The following NUMBL variants were observed in gnomAD, a reference collection of about 807,000 sequenced individuals.
NUMBL encodes numb-like protein.
NUMBL carries 20 observed loss-of-function variants against 48.9 expected under a neutral mutation model. The observed-to-expected ratio is 0.41, with a 90% CI of 0.29 to 0.59. The LOEUF (loss-of-function observed/expected upper bound fraction) is 0.59. Among genes scored for constraint, NUMBL ranks in the 20% least tolerant of loss-of-function variants. The probability of loss-of-function intolerance (pLI) is 0.31; values close to 1 mark genes in which losing one functional copy is unlikely to be tolerated. For synonymous variants in NUMBL, 340 were observed against 348.7 expected, an observed-to-expected ratio of 0.98 and a Z score of 0.28; for missense variants, 660 against 846.2, an observed-to-expected ratio of 0.78 and a Z score of 2.73.
intron 8 of NUMBL, among the ~76,000 whole-genome samples, chr19:40,671,509 G>A (rs918657647): frequency 6.6e-5 from 10 of 152,252 alleles, no homozygotes; most frequent in Middle Eastern, 3.4e-3. Flanking sequence ...TCAGGAGCAC[G>A]TGTGACAGCC....
chr19:40,682,708 C>T lies in NUMBL; in HGVS notation c.399+20G>A. The T allele has an allele frequency of 6.2e-7, 1 of 1,612,294 alleles. No homozygotes were observed. The highest frequency in any genetic ancestry group is 1.1e-5 in the South Asian group (1 of 90,902). ...GTGAGCAGACAGGCCCCCTGGCGTC[C>T]ACCCCCACAGGCCTCCTACCTTGGT... is the stretch of plus-strand genomic sequence containing the variant. On this transcript the variant is annotated intron_variant, in intron 5 of 9. Transcript: ENST00000252891. The surrounding 1 kb of genome is among the most constrained non-coding windows in gnomAD (Gnocchi z 4.0).
At chr19:40,685,279 G>A (rs1450540510) in intron 2 of NUMBL, 1 of 152,378 alleles carries the variant, frequency 6.6e-6, no homozygotes, top group Non-Finnish European at 1.5e-5. Flanking sequence ...TCCCAGGACT[G>A]GGAGCACCAA....
At chr19:40,690,353 G>T in intron 1 of NUMBL, 107 bp downstream of exon 1, 1 of 643,614 alleles carries the variant, frequency 1.6e-6, no homozygotes, top group Non-Finnish European at 2.2e-6. Flanking sequence ...ACCCTCTCCA[G>T]CCTTGGCACC....
At position 40,684,691 on chromosome 19, in the gene NUMBL, G is replaced by A. The variant is rs2081925280; in HGVS notation, c.110-135C>T. On this transcript the variant is annotated intron_variant, in intron 2 of 9. Transcript: ENST00000252891. ...GGAAGCGGGGTTACAGGGTCAGTTG[G>A]CAGCGCACATGGGATCAGCAGCTCA... The A allele has an allele frequency of 6.4e-6, 8 of 1,240,830 alleles. No homozygotes were observed. In the East Asian group the frequency reaches 2.2e-4, roughly 34 times the overall value. 76.9% of individuals were successfully genotyped at this position (1,240,830 alleles called of 1,614,324 possible). A position where few individuals can be genotyped will look rare whatever the true frequency, so the allele number is the denominator to read the frequency against.
At chr19:40,675,181 C>T (rs572195053) in intron 7 of NUMBL, among the ~76,000 whole-genome samples, 37 of 132,744 alleles carry the variant, frequency 2.8e-4, no homozygotes, top group Non-Finnish European at 4.2e-4. Context: ...CTTAGCTGGA[C>T]GTGGTGGCGG....
chr19:40,669,703 A>T (rs887523310), intron 9 of NUMBL, among the ~76,000 whole-genome samples, 195 bp downstream of exon 9: 1 of 151,884 alleles, frequency 6.6e-6, no homozygotes, highest in Non-Finnish European at 1.5e-5. Context: ...TTCTAAAGTA[A>T]TCGCATGATT....
In NUMBL at chr19:40,675,552, GGACA is replaced by G. The variant is rs566175455; in HGVS notation, c.730+1676_730+1679del. On this transcript the variant is annotated intron_variant, in intron 7 of 9. Transcript: ENST00000252891. The stretch of plus-strand genomic sequence containing the variant: ...AATAAATTAATTATATGGTGACTCA[GGACA>G]TACATACAATTATATTTTAAACACA... Among the ~76,000 whole-genome samples, 15 of 146,628 alleles carry G rather than the reference GGACA, an allele frequency of 1.0e-4. No individual in the cohort carries two copies. The South Asian group carries it at 3.0e-3, about 30-fold the overall frequency.
At chr19:40,684,588 G>C (rs754209614) in intron 2 of NUMBL, 32 bp from the exon 3 acceptor site, 1 of 1,578,424 alleles carries the variant, frequency 6.3e-7, no homozygotes, top group South Asian at 1.1e-5. Flanking sequence ...GTGGGTCAAG[G>C]GTGGGGGTCA....
At chr19:40,684,828 A>T in intron 2 of NUMBL, 3 of 417,282 alleles carry the variant, frequency 7.2e-6, no homozygotes, top group Non-Finnish European at 1.3e-5. Flanking sequence ...GGTGGGGGGT[A>T]TGGGGCACAG....
rs1184029479 is a variant in NUMBL at position 40,666,140 on chromosome 19, TTTTTTTTTTTTTG to T, written c.*1315_*1327del. The T allele has an allele frequency of 1.5e-5, 1 of 67,580 alleles. No individual in the cohort carries two copies. Among genetic ancestry groups the T allele is most frequent in the Non-Finnish European group, 2.8e-5 (1 of 35,606 alleles). The allele number at this position is 67,580 out of a possible 1,614,324, so 4.2% of individuals were successfully genotyped here. Reference sequence around the variant, plus strand: ...TTAATATTGAGCTAATTAGAAGTAGTTTTTTTTTTTTTGTTTTTTTTTTTTGAGACAGAGTCTC... The same window carrying T: ...TTAATATTGAGCTAATTAGAAGTAGTTTTTTTTTTTTTGAGACAGAGTCTC... On this transcript the variant is annotated 3_prime_UTR_variant, in exon 10 of 10. Coordinates refer to ENST00000252891, the MANE Select transcript of NUMBL (RefSeq NM_004756.5).
chr19:40,671,039 C>T (rs978468610), intron 8 of NUMBL, among the ~76,000 whole-genome samples: 1 of 152,124 alleles, frequency 6.6e-6, no homozygotes, highest in African/African-American at 2.4e-5. Flanking sequence ...TGTAGTGGCA[C>T]AATCTTAGTT....
In NUMBL at chr19:40,680,830, T is replaced by C. The variant is rs1258141758; in HGVS notation, c.540+87A>G. The C allele has an allele frequency of 2.8e-6, 4 of 1,425,322 alleles. No individual in the cohort carries two copies. The East Asian group carries it at 6.9e-5, about 24-fold the overall frequency. 88.3% of individuals were successfully genotyped at this position (1,425,322 alleles called of 1,614,324 possible). A position where few individuals can be genotyped will look rare whatever the true frequency, so the allele number is the denominator to read the frequency against. On this transcript the variant is annotated intron_variant, in intron 6 of 9. Transcript: ENST00000252891. ...AAACTGGGCACACAGAGGTTAGTGATGTGCCTGAATGCAGGAAGCTTGTAG... is the reference window on the plus strand; with the variant it reads ...AAACTGGGCACACAGAGGTTAGTGACGTGCCTGAATGCAGGAAGCTTGTAG...
At chr19:40,686,837 G>T in intron 2 of NUMBL, 74 bp downstream of exon 2, 1 of 925,944 alleles carries the variant, frequency 1.1e-6, no homozygotes, top group South Asian at 1.4e-5. Flanking sequence ...TGACCGCAGG[G>T]ACAGCTCCTC....
At chr19:40,678,807 G>C (rs1217830056) in intron 6 of NUMBL, among the ~76,000 whole-genome samples, 5 of 152,174 alleles carry the variant, frequency 3.3e-5, no homozygotes, top group African/African-American at 1.2e-4. Flanking sequence ...CATACAAAAA[G>C]AATCAGACGG....
At chr19:40,674,237 ACT>A (rs2144653472) in intron 7 of NUMBL, among the ~76,000 whole-genome samples, 1 of 151,970 alleles carries the variant, frequency 6.6e-6, no homozygotes, top group African/African-American at 2.4e-5. Context: ...TTTCTCTGTC[ACT>A]GTCTGTTCCC....
At chr19:40,675,747 G>GCA (rs148549602) in intron 7 of NUMBL, among the ~76,000 whole-genome samples, 7 of 144,726 alleles carry the variant, frequency 4.8e-5, no homozygotes, top group Admixed American at 6.8e-5. Context: ...ACACACGCGT[G>GCA]CACACACACA....
At position 40,684,519 on chromosome 19, in the gene NUMBL, C is replaced by T. The variant is rs769458018; in HGVS notation, c.147G>A (p.Leu49=). 5 of 1,608,102 alleles carry T rather than the reference C, an allele frequency of 3.1e-6. No homozygotes were observed. The South Asian group carries it at 5.5e-5, about 18-fold the overall frequency. ...AGTMNKLRQS[L]RRRKPAYVPE... is the part of the protein sequence containing the mutation. ...GCACGTAGGCTGGCTTCCTCCGCCG[C>T]AGGCTCTGCCGTAACTTGTTCATGG... Residue 49 remains leucine, a synonymous_variant, in exon 3 of 10, where the codon CTG becomes CTA. Transcript: ENST00000252891.
chr19:40,667,948 C>G lies in NUMBL; in HGVS notation c.1350G>C (p.Val450=), dbSNP rs1388611989. 2 of 1,567,060 alleles carry G rather than the reference C, an allele frequency of 1.3e-6. No individual in the cohort carries two copies. Among genetic ancestry groups the G allele is most frequent in the Admixed American group, 1.9e-5 (1 of 52,482 alleles). Residue 450 remains valine, a synonymous_variant, in exon 10 of 10, where the codon GTG becomes GTC. Coordinates refer to ENST00000252891, the MANE Select transcript of NUMBL (RefSeq NM_004756.5). This position sits in a 1 kb window ranked among gnomAD's most constrained non-coding sequence, Gnocchi z 6.1. ...CAGGAGGCATGGTGGGCACTGGGGC[C>G]ACTGAGGCTGCTTGCTGCTGTTGCT... ...QQQQQQQAAS[V]APVPTMPPAL...
chr19:40,667,976 TGC>T lies in NUMBL; in HGVS notation c.1320_1321del (p.Gln441AlafsTer30), dbSNP rs59475675. The T allele has an allele frequency of 1.3e-6, 2 of 1,484,972 alleles. No homozygotes were observed. Among genetic ancestry groups the T allele is most frequent in the Non-Finnish European group, 1.8e-6 (2 of 1,126,180 alleles). 92.0% of individuals were successfully genotyped at this position (1,484,972 alleles called of 1,614,324 possible). On this transcript the variant is annotated frameshift_variant, in exon 10 of 10. Coordinates refer to ENST00000252891, the MANE Select transcript of NUMBL (RefSeq NM_004756.5). LOFTEE classifies it low-confidence loss of function (END_TRUNC). This position sits in a 1 kb window ranked among gnomAD's most constrained non-coding sequence, Gnocchi z 6.1. The stretch of plus-strand genomic sequence containing the variant: ...TGAGGCTGCTTGCTGCTGTTGCTGC[TGC>T]TGCTGCTGCTGCTGTTGCTGTTGCT...
Sources: allele counts gnomAD v4.1 joint callset (sites outside exome capture counted in the v4.1 genomes callset), GRCh38; gene constraint gnomAD v4.1.1; non-coding constraint Gnocchi (gnomAD v3.1); transcripts MANE v1.5; gene names NCBI Gene and HGNC (gene_info 2026-07-23, HGNC 2026-07-21).